Variants in DICER1 observed in about 807,000 individuals in gnomAD.
DICER1 encodes endoribonuclease Dicer.
In DICER1, 43 loss-of-function variants were observed where a neutral mutation model predicts 194.1. The observed-to-expected ratio is 0.22, with a 90% CI of 0.17 to 0.29. The LOEUF is 0.29. DICER1 is among the 10% of genes least tolerant of loss of function. The pLI, the probability that DICER1 is intolerant of heterozygous loss-of-function variation, is 1.00. For missense variants in DICER1, 1,608 were observed against 2,317.0 expected, an observed-to-expected ratio of 0.69 and a Z score of 6.28; for synonymous variants, 832 against 820.5, an observed-to-expected ratio of 1.01 and a Z score of -0.24.
rs920670896 is a variant in DICER1 at position 95,094,966 on chromosome 14, A to G, written c.5096-810T>C. Among the ~76,000 whole-genome samples, 7 of 152,358 alleles carry G rather than the reference A, an allele frequency of 4.6e-5. No individual in the cohort carries two copies. In the South Asian group the frequency reaches 1.4e-3, roughly 32 times the overall value. ...GGTCTCGGAACTTCCAGCAGAATGT[A>G]GTCGAAAGCCACGTATCATTTTTCC... On this transcript the variant is annotated intron_variant, in intron 23 of 26. Coordinates refer to ENST00000343455, the MANE Select transcript of DICER1 (RefSeq NM_177438.3).
chr14:95,109,253 T>C (rs558402858), intron 14 of DICER1, among the ~76,000 whole-genome samples: 1 of 152,358 alleles, frequency 6.6e-6, no homozygotes, highest in South Asian at 2.1e-4. Flanking sequence ...CAGATTATGG[T>C]CTTGCAGTTC....
chr14:95,106,632 G>C (rs1006045336), intron 17 of DICER1, among the ~76,000 whole-genome samples: 1 of 151,718 alleles, frequency 6.6e-6, no homozygotes, highest in Non-Finnish European at 1.5e-5. Context: ...GATAGTGATG[G>C]TCCTGATAAC....
At position 95,130,019 on chromosome 14, in the gene DICER1, G is replaced by A. The variant is rs749534075; in HGVS notation, c.573+39C>T. 30 of 1,599,300 alleles carry A rather than the reference G, an allele frequency of 1.9e-5. No individual in the cohort carries two copies. In the Admixed American group the frequency reaches 3.0e-4, roughly 16 times the overall value. ...AACAAAAATCTGCATTTACTCAATA[G>A]TTTACCAAGAATTACTAAGACTTAG... On this transcript the variant is annotated intron_variant, in intron 5 of 26. Coordinates refer to ENST00000343455, the MANE Select transcript of DICER1 (RefSeq NM_177438.3).
At chr14:95,097,580 T>C (rs1890471240) in intron 22 of DICER1, among the ~76,000 whole-genome samples, 1 of 152,242 alleles carries the variant, frequency 6.6e-6, no homozygotes, top group Admixed American at 6.5e-5. Context: ...ATGTAACTTC[T>C]TTGCAATCCT....
In DICER1 at chr14:95,087,930, T is replaced by G. The variant is rs941871335; in HGVS notation, c.*2568A>C. 1 of 233,044 alleles carries G rather than the reference T, an allele frequency of 4.3e-6. No homozygotes were observed. Among genetic ancestry groups the G allele is most frequent in the African/African-American group, 2.2e-5 (1 of 45,322 alleles). 14.4% of individuals were successfully genotyped at this position (233,044 alleles called of 1,614,324 possible). A position where few individuals can be genotyped will look rare whatever the true frequency, so the allele number is the denominator to read the frequency against. On this transcript the variant is annotated 3_prime_UTR_variant, in exon 27 of 27. Coordinates refer to ENST00000343455, the MANE Select transcript of DICER1 (RefSeq NM_177438.3). ...TGGGGCAACATAGAGTGATTTTTTT[T>G]TTCCTTAATTGACAGATGCAAAACA...
At chr14:95,143,635 C>T (rs1426573198) in intron 1 of DICER1, among the ~76,000 whole-genome samples, 1 of 152,072 alleles carries the variant, frequency 6.6e-6, no homozygotes, top group African/African-American at 2.4e-5. Context: ...GGATTGTAAC[C>T]ATTTAGTTAC....
At chr14:95,117,884 T>C in intron 8 of DICER1, 130 bp from the exon 9 acceptor site, 2 of 802,720 alleles carry the variant, frequency 2.5e-6, no homozygotes, top group Non-Finnish European at 4.0e-6. Context: ...GTCTTGGTCC[T>C]TTTTTCCCAA....
chr14:95,089,131 G>C lies in DICER1; in HGVS notation c.*1367C>G, dbSNP rs1203580831. ...GAAAAATGCATGCAAAAGAAAAGAA[G>C]AACTGAGGTATTTAAGTGAAGAGTG... On this transcript the variant is annotated 3_prime_UTR_variant, in exon 27 of 27. Transcript: ENST00000343455. The C allele has an allele frequency of 4.4e-6, 1 of 228,948 alleles. No homozygotes were observed. The highest frequency in any genetic ancestry group is 8.5e-6 in the Non-Finnish European group (1 of 117,062). 14.2% of individuals were successfully genotyped at this position (228,948 alleles called of 1,614,324 possible). A position where few individuals can be genotyped will look rare whatever the true frequency, so the allele number is the denominator to read the frequency against.
intron 9 of DICER1, 102 bp from the exon 10 acceptor site, chr14:95,116,797 A>G: frequency 8.3e-7 from 1 of 1,205,784 alleles, no homozygotes; most frequent in Non-Finnish European, 1.2e-6. Flanking sequence ...TCTGACACAC[A>G]TGCTCTTGGG....
At position 95,132,543 on chromosome 14, in the gene DICER1, T is replaced by C; in HGVS notation, c.279A>G (p.Gly93=). The change falls in exon 3 of 27, where the codon GGA becomes GGG. Residue 93 remains glycine (G), a synonymous_variant. Transcript: ENST00000343455. ...AGTTGACCAAGAACACCGTCCTTTT[T>C]CCATTTCTGCTGAAGTCTCCCCTGA... ...YQIRGDFSRN[G]KRTVFLVNSA... 1 of 1,614,066 alleles carries C rather than the reference T, an allele frequency of 6.2e-7. No individual in the cohort carries two copies. Among genetic ancestry groups the C allele is most frequent in the Non-Finnish European group, 8.5e-7 (1 of 1,179,964 alleles).
At chr14:95,121,198 A>G (rs1440187839) in intron 8 of DICER1, among the ~76,000 whole-genome samples, 4 of 152,204 alleles carry the variant, frequency 2.6e-5, no homozygotes, top group African/African-American at 9.7e-5. Context: ...GTCATCAAAA[A>G]CAAGACGGAA....
chr14:95,121,495 T>G (rs1892934564), intron 8 of DICER1, among the ~76,000 whole-genome samples: 1 of 152,116 alleles, frequency 6.6e-6, no homozygotes, highest in Admixed American at 6.5e-5. Context: ...CTCCGTACCA[T>G]TTTTCCAACT....
intron 24 of DICER1, among the ~76,000 whole-genome samples, chr14:95,092,568 C>A (rs924795897): frequency 5.3e-5 from 8 of 152,058 alleles, no homozygotes; most frequent in African/African-American, 1.7e-4. Flanking sequence ...TTAAAACTTA[C>A]CAAGTTTAAT....
At chr14:95,143,966 A>T (rs1418655275) in intron 1 of DICER1, among the ~76,000 whole-genome samples, 3 of 152,200 alleles carry the variant, frequency 2.0e-5, no homozygotes, top group Non-Finnish European at 2.9e-5. Flanking sequence ...AATGAAAATG[A>T]AAGTGGGCAA....
rs180686993 is a variant in DICER1, at chr14:95,101,272, G to A, written c.4051-1337C>T. Among the ~76,000 whole-genome samples the A allele has an allele frequency of 3.9e-5, 6 of 152,292 alleles. No homozygotes were observed. The East Asian group carries it at 5.8e-4, about 15-fold the overall frequency. ...AAACGCATCAGGGCTGAAAGGGCCT[G>A]AACAGCAGGCTGAGGGAGTGATCAT... On this transcript the variant is annotated intron_variant, in intron 21 of 26. Coordinates refer to ENST00000343455, the MANE Select transcript of DICER1 (RefSeq NM_177438.3).
At chr14:95,132,443 C>A in intron 3 of DICER1, 72 bp downstream of exon 3, 1 of 1,501,112 alleles carries the variant, frequency 6.7e-7, no homozygotes, top group Middle Eastern at 1.7e-4. Context: ...TTAAGAAACA[C>A]AGAAAATCTG....
chr14:95,133,573 G>T, intron 1 of DICER1, 70 bp from the exon 2 acceptor site: 1 of 1,137,158 alleles, frequency 8.8e-7, no homozygotes, highest in Non-Finnish European at 1.3e-6. Flanking sequence ...ACAGAAACAA[G>T]AGAAACATCA....
chr14:95,122,933 T>C (rs1047778548), intron 8 of DICER1, among the ~76,000 whole-genome samples: 4 of 144,374 alleles, frequency 2.8e-5, no homozygotes, highest in Non-Finnish European at 4.5e-5. Flanking sequence ...CGCGTGCGTG[T>C]ACGCGCGCGC....
chr14:95,119,452 A>C (rs1892755804), intron 8 of DICER1, among the ~76,000 whole-genome samples: 1 of 152,256 alleles, frequency 6.6e-6, no homozygotes, highest in Non-Finnish European at 1.5e-5. Flanking sequence ...ATGCCTAACC[A>C]GTACCCAGGA....
Sources: allele counts gnomAD v4.1 joint callset (sites outside exome capture counted in the v4.1 genomes callset), GRCh38; gene constraint gnomAD v4.1.1; transcripts MANE v1.5; gene names NCBI Gene and HGNC (gene_info 2026-07-23, HGNC 2026-07-21).